ZFHX2: variants seen among roughly 807,000 people sequenced by gnomAD.
ZFHX2 encodes the protein zinc finger homeobox 2, also known as zinc finger homeobox protein 2.
Under a neutral mutation model 164.8 loss-of-function variants are expected in ZFHX2, and 75 were observed. The observed-to-expected ratio is 0.46, with a 90% CI of 0.38 to 0.55. The LOEUF (loss-of-function observed/expected upper bound fraction) is 0.55, where lower values mean the gene tolerates loss of function less well. Among genes scored for constraint, ZFHX2 ranks in the 20% least tolerant of loss-of-function variants. The pLI is 0.00. For missense variants in ZFHX2, 2,933 were observed against 3,308.0 expected (o/e 0.89, Z 2.78); for synonymous variants, 1,217 against 1,351.4 (o/e 0.90, Z 2.18).
At chr14:23,537,266 A>G (rs1315422759) in intron 1 of ZFHX2, among the ~76,000 whole-genome samples, 1 of 151,114 alleles carries the variant, frequency 6.6e-6, no homozygotes, top group African/African-American at 2.4e-5. Context: ...TCCCCCTCAA[A>G]CTCACCAATT....
rs1384919060 is a variant in ZFHX2, at chr14:23,535,872, G to A, written c.-49-498C>T. Among the ~76,000 whole-genome samples, 1 of 152,264 alleles carries A rather than the reference G, an allele frequency of 6.6e-6. No individual in the cohort carries two copies. The highest frequency in any genetic ancestry group is 2.4e-5 in the African/African-American group (1 of 41,548). On this transcript the variant is annotated intron_variant, in intron 1 of 9. Coordinates refer to ENST00000419474, the MANE Select transcript of ZFHX2 (RefSeq NM_033400.3). This position sits in a 1 kb window ranked among gnomAD's most constrained non-coding sequence, Gnocchi z 4.5. ...CTCCCAAAGTGCTAGGATTATAGGC[G>A]TGAGCCACCGCGCCCAGCCTAGAAC...
chr14:23,549,957 G>A (rs1881790126), intron 1 of ZFHX2, among the ~76,000 whole-genome samples: 1 of 152,120 alleles, frequency 6.6e-6, no homozygotes, highest in African/African-American at 2.4e-5. Context: ...GCAGATTATG[G>A]GAACAAAGGT....
intron 1 of ZFHX2, chr14:23,538,133 T>C (rs1044753324): frequency 1.3e-5 from 2 of 152,210 alleles, no homozygotes; most frequent in African/African-American, 4.8e-5. Flanking sequence ...ACATAGCTGA[T>C]TCCTAGCTAG....
At position 23,521,645 on chromosome 14, in the gene ZFHX2, T is replaced by G; in HGVS notation, c.*317A>C. The G allele has an allele frequency of 3.3e-6, 1 of 305,202 alleles. No individual in the cohort carries two copies. Among genetic ancestry groups the G allele is most frequent in the Non-Finnish European group, 6.1e-6 (1 of 164,854 alleles). The allele number at this position is 305,202 out of a possible 1,614,324, so 18.9% of individuals were successfully genotyped here. A position where few individuals can be genotyped will look rare whatever the true frequency, so the allele number is the denominator to read the frequency against. On this transcript the variant is annotated 3_prime_UTR_variant, in exon 10 of 10. Coordinates refer to ENST00000419474, the MANE Select transcript of ZFHX2 (RefSeq NM_033400.3). ...AAAGGAAGATAGAACCAAGGATATA[T>G]TTTGTGTGTGGTAGGCAGACATGTA... is the stretch of plus-strand genomic sequence containing the variant.
rs1350776800 is a variant in ZFHX2, at chr14:23,522,294, C to T, written c.7387G>A (p.Glu2463Lys). 1.3e-6 allele frequency: 2 copies of T among 1,508,404 alleles called. No individual in the cohort carries two copies. Among genetic ancestry groups the T allele is most frequent in the Admixed American group, 2.0e-5 (1 of 48,822 alleles). 93.4% of individuals were successfully genotyped at this position (1,508,404 alleles called of 1,614,324 possible). A position where few individuals can be genotyped will look rare whatever the true frequency, so the allele number is the denominator to read the frequency against. Residue 2463 changes from glutamate (E) to lysine (K), a missense_variant, in exon 10 of 10, where the codon GAG (glutamate) becomes AAG (lysine). Physicochemically the swap from Glu to Lys is moderately conservative, Grantham distance 56. Transcript: ENST00000419474. ...CRQCKMAFDGEAPATAHQRSF... is the reference protein window; with the variant it reads ...CRQCKMAFDGKAPATAHQRSF... ...CTCTGGTGGGCAGTAGCCGGGGCCT[C>T]CCCGTCAAATGCCATCTTGCACTGG...
At position 23,533,566 on chromosome 14, in the gene ZFHX2, T is replaced by C. The variant is rs1321101239; in HGVS notation, c.1760A>G (p.His587Arg). 4 of 1,536,538 alleles carry C rather than the reference T, an allele frequency of 2.6e-6. No homozygotes were observed. The highest frequency in any genetic ancestry group is 8.7e-7 in the Non-Finnish European group (1 of 1,147,012). ...CTGCATGTGCTTCTCAGAGGTCATATGGATGCGCAGGTTACGGGAGATGTT... is the reference window on the plus strand; with the variant it reads ...CTGCATGTGCTTCTCAGAGGTCATACGGATGCGCAGGTTACGGGAGATGTT... ...ETNISRNLRI[H>R]MTSEKHMQNV... The change falls in exon 2 of 10, where the codon CAT (histidine) becomes CGT (arginine). Residue 587 changes from histidine (H) to arginine (R), a missense_variant. Coordinates refer to ENST00000419474, the MANE Select transcript of ZFHX2 (RefSeq NM_033400.3). This position sits in a 1 kb window ranked among gnomAD's most constrained non-coding sequence, Gnocchi z 4.8.
At position 23,546,127 on chromosome 14, in the gene ZFHX2, A is replaced by G. The variant is rs1222941727; in HGVS notation, c.-50+5216T>C. Among the ~76,000 whole-genome samples the G allele has an allele frequency of 1.3e-5, 2 of 152,202 alleles. No homozygotes were observed. The highest frequency in any genetic ancestry group is 4.8e-5 in the African/African-American group (2 of 41,446). On this transcript the variant is annotated intron_variant, in intron 1 of 9. Transcript: ENST00000419474. The surrounding 1 kb of genome is among the most constrained non-coding windows in gnomAD (Gnocchi z 4.7). ...TCTGCCCCACTGACTTTGCACATCA[A>G]CGTGCTCCACAGGACCAGACTCTCC...
At chr14:23,532,383 CT>C in intron 3 of ZFHX2, 183 bp downstream of exon 3, 1 of 683,540 alleles carries the variant, frequency 1.5e-6, no homozygotes, top group Non-Finnish European at 2.2e-6. Context: ...GTTTACTATC[CT>C]TTGGTCTCTT....
rs931276644 is a variant in ZFHX2 at position 23,524,592 on chromosome 14, G to A, written c.5350C>T (p.Leu1784=). The part of the protein sequence containing the change: ...CAISFSSQDL[L]TSHRRLHFLP... ...AAATGTAGTCGGCGGTGACTGGTCA[G>A]GAGGTCCTGGCTGGAGAAAGAAATG... The change falls in exon 9 of 10, where the codon CTG becomes TTG. Residue 1784 remains leucine, a synonymous_variant. Transcript: ENST00000419474. This position sits in a 1 kb window ranked among gnomAD's most constrained non-coding sequence, Gnocchi z 5.6. 4 of 1,536,052 alleles carry A rather than the reference G, an allele frequency of 2.6e-6. No homozygotes were observed. In the African/African-American group the frequency reaches 5.5e-5, roughly 21 times the overall value.
Position 23,534,242 on chromosome 14 carries a change from C to T in ZFHX2, c.1084G>A (p.Glu362Lys). The change falls in exon 2 of 10, where the codon GAA becomes AAA. Residue 362 changes from glutamate to lysine, a missense_variant. Transcript: ENST00000419474. This position sits in a 1 kb window ranked among gnomAD's most constrained non-coding sequence, Gnocchi z 4.5. ...GCCTCGCCTGCTGCTACTGGCGATT[C>T]TTTGGCTTGGGTTGGGCTGGGGTCC... ...TWDPSPTQAK[E>K]SPVAAGEAGP... is the part of the protein sequence containing the mutation. 1 of 1,523,302 alleles carries T rather than the reference C, an allele frequency of 6.6e-7. No homozygotes were observed. The highest frequency in any genetic ancestry group is 8.8e-7 in the Non-Finnish European group (1 of 1,139,466). The allele number at this position is 1,523,302 out of a possible 1,614,324, so 94.4% of individuals were successfully genotyped here. A position where few individuals can be genotyped will look rare whatever the true frequency, so the allele number is the denominator to read the frequency against.
upstream of ZFHX2, among the ~76,000 whole-genome samples, chr14:23,554,766 T>C (rs912310544): frequency 1.3e-5 from 2 of 152,032 alleles, no homozygotes; most frequent in Admixed American, 1.3e-4. Flanking sequence ...AACATACTGG[T>C]GAGAGGGCAG....
intron 4 of ZFHX2, chr14:23,530,529 T>G: frequency 1.9e-6 from 1 of 522,894 alleles, no homozygotes; most frequent in Non-Finnish European, 3.6e-6. Context: ...CCCAGAGAAA[T>G]GTAGTAGGAG....
chr14:23,526,127 T>G lies in ZFHX2; in HGVS notation c.3815A>C (p.His1272Pro). ...CTTGGTTCCCCGAGAGCGAGTCTGA[T>G]GCAGAACTGACCGCATGTGGATCTC... ...TLEIHMRSVL[H>P]QTRSRGTKTD... The change falls in exon 9 of 10, where the codon CAT (histidine) becomes CCT (proline). Residue 1272 changes from histidine to proline, a missense_variant. Physicochemically the swap from His to Pro is moderately conservative, Grantham distance 77. Transcript: ENST00000419474. 2 of 1,536,490 alleles carry G rather than the reference T, an allele frequency of 1.3e-6. No individual in the cohort carries two copies.
intron 1 of ZFHX2, among the ~76,000 whole-genome samples, chr14:23,541,442 C>T (rs993640019): frequency 3.3e-5 from 5 of 152,068 alleles, no homozygotes; most frequent in Admixed American, 1.3e-4. Flanking sequence ...CAGGCTCCAC[C>T]ACGCCCAGCT....
Position 23,522,618 on chromosome 14 carries a change from C to T in ZFHX2, c.7063G>A (p.Gly2355Arg), listed in dbSNP as rs1235710220. 2.0e-6 allele frequency: 3 copies of T among 1,533,384 alleles called. No individual in the cohort carries two copies. Among genetic ancestry groups the T allele is most frequent in the Non-Finnish European group, 2.6e-6 (3 of 1,144,934 alleles). The allele number at this position is 1,533,384 out of a possible 1,614,324, so 95.0% of individuals were successfully genotyped here. The change falls in exon 10 of 10, where the codon GGA (glycine) becomes AGA (arginine). Residue 2355 changes from glycine (G) to arginine (R), a missense_variant. Coordinates refer to ENST00000419474, the MANE Select transcript of ZFHX2 (RefSeq NM_033400.3). ...FLPFPLPPAG[G>R]TAPPAVFGPQ... ...CCAAAGACAGCTGGCGGTGCTGTTC[C>T]CCCAGCAGGGGGCAATGGAAAGGGC...
Position 23,525,662 on chromosome 14 carries a change from G to A in ZFHX2, c.4280C>T (p.Pro1427Leu). Reference sequence around the variant, plus strand: ...AGCCTCGTTGGGCAATGGGTCGGGGGGTGAGGAAGGCCCTGCCTCATTACC... The same window carrying A: ...AGCCTCGTTGGGCAATGGGTCGGGGAGTGAGGAAGGCCCTGCCTCATTACC... ...KEGNEAGPSS[P>L]PDPLPNEAAR... The change falls in exon 9 of 10, where the codon CCC becomes CTC. Residue 1427 changes from proline to leucine, a missense_variant. By Grantham distance (98) the Pro-to-Leu change is moderately conservative. Coordinates refer to ENST00000419474, the MANE Select transcript of ZFHX2 (RefSeq NM_033400.3). This position sits in a 1 kb window ranked among gnomAD's most constrained non-coding sequence, Gnocchi z 5.9. 1 of 1,535,410 alleles carries A rather than the reference G, an allele frequency of 6.5e-7. No homozygotes were observed.
rs1030287623 is a variant in ZFHX2 at position 23,525,303 on chromosome 14, G to T, written c.4639C>A (p.His1547Asn). Reference sequence around the variant, plus strand: ...GGGACCAGGAAGGGTGGGCCCAGATGGGGAACAGGTGAATCCAGAGACCCA... The same window carrying T: ...GGGACCAGGAAGGGTGGGCCCAGATTGGGAACAGGTGAATCCAGAGACCCA... ...PDGSLDSPVP[H>N]LGPPFLVPEP... is the part of the protein sequence containing the mutation. The change falls in exon 9 of 10, where the codon CAT becomes AAT. Residue 1547 changes from histidine (H) to asparagine (N), a missense_variant. By Grantham distance (68) the His-to-Asn change is moderately conservative (BLOSUM62 1). Coordinates refer to ENST00000419474, the MANE Select transcript of ZFHX2 (RefSeq NM_033400.3). This position sits in a 1 kb window ranked among gnomAD's most constrained non-coding sequence, Gnocchi z 5.9. 3 of 1,535,962 alleles carry T rather than the reference G, an allele frequency of 2.0e-6. No individual in the cohort carries two copies. Among genetic ancestry groups the T allele is most frequent in the South Asian group, 2.4e-5 (2 of 84,066 alleles).
In ZFHX2 at chr14:23,542,433, G is replaced by T. The variant is rs1443004996; in HGVS notation, c.-49-7059C>A. Among the ~76,000 whole-genome samples, 6 of 152,134 alleles carry T rather than the reference G, an allele frequency of 3.9e-5. No homozygotes were observed. In the East Asian group the frequency reaches 9.6e-4, roughly 24 times the overall value. On this transcript the variant is annotated intron_variant, in intron 1 of 9. Transcript: ENST00000419474. ...GAGTGTCTGCTACTGATGGGGGTGG[G>T]TGTCCAGGAGAGGAGGCATCTCCCT...
intron 6 of ZFHX2, among the ~76,000 whole-genome samples, chr14:23,529,207 G>A (rs893582884): frequency 6.6e-6 from 1 of 152,170 alleles, no homozygotes; most frequent in African/African-American, 2.4e-5. Flanking sequence ...TGAGTCCTGG[G>A]GATTTAGAGA....
Sources: allele counts gnomAD v4.1 joint callset (sites outside exome capture counted in the v4.1 genomes callset), GRCh38; gene constraint gnomAD v4.1.1; non-coding constraint Gnocchi (gnomAD v3.1); transcripts MANE v1.5; gene names NCBI Gene and HGNC (gene_info 2026-07-23, HGNC 2026-07-21).